The following PEAK1 variants were observed in gnomAD, a reference collection of about 807,000 sequenced individuals.
PEAK1 encodes the protein inactive tyrosine-protein kinase PEAK1.
PEAK1 carries 54 observed loss-of-function variants against 124.7 expected under a neutral mutation model. That is an observed-to-expected ratio of 0.43 (90% CI 0.35 to 0.54). The LOEUF is 0.54. Ranked by LOEUF, PEAK1 falls within the 20% of genes least tolerant of loss-of-function variation. PEAK1 has a pLI of 0.01. For synonymous variants in PEAK1, 719 were observed against 760.0 expected, an observed-to-expected ratio of 0.95 and a Z score of 0.89; for missense variants, 2,046 against 2,134.5, an observed-to-expected ratio of 0.96 and a Z score of 0.82.
At chr15:77,266,963 AAAT>A (rs1567189217) in intron 5 of PEAK1, among the ~76,000 whole-genome samples, 2 of 151,848 alleles carry the variant, frequency 1.3e-5, no homozygotes, top group East Asian at 3.9e-4. Context: ...GGTTGCCTGG[AAAT>A]CAGCTCTGTG....
At position 77,179,093 on chromosome 15, in the gene PEAK1, T is replaced by C. The variant is rs775357365; in HGVS notation, c.2834A>G (p.Lys945Arg). 11 of 1,614,196 alleles carry C rather than the reference T, an allele frequency of 6.8e-6. No individual in the cohort carries two copies. In the South Asian group the frequency reaches 7.7e-5, roughly 11 times the overall value. ...CACCAGTTTCCCTTTCTCTCGCTCTTTCTCTTTGTCATCCTCCTCATCTGT... is the reference window on the plus strand; with the variant it reads ...CACCAGTTTCCCTTTCTCTCGCTCTCTCTCTTTGTCATCCTCCTCATCTGT... The part of the protein sequence containing the change: ...RKTDEEDDKE[K>R]EREKGKLVGL... Residue 945 changes from lysine (K) to arginine (R), a missense_variant, in exon 7 of 10, where the codon AAA (lysine) becomes AGA (arginine). By Grantham distance (26) the Lys-to-Arg change is conservative. Coordinates refer to ENST00000682557, the MANE Select transcript of PEAK1 (RefSeq NM_001385026.1).
chr15:77,257,731 A>C (rs2061231183), intron 5 of PEAK1, among the ~76,000 whole-genome samples: 1 of 151,936 alleles, frequency 6.6e-6, no homozygotes, highest in African/African-American at 2.4e-5. Flanking sequence ...CTTTAGTTTA[A>C]CTAGATCCCA....
At chr15:77,333,703 A>G in intron 2 of PEAK1, 1 of 970,552 alleles carries the variant, frequency 1.0e-6, no homozygotes, top group Non-Finnish European at 1.2e-6. Flanking sequence ...TCATTCTCCT[A>G]ATGAATTGAA....
At chr15:77,244,747 C>T (rs1368393001) in intron 6 of PEAK1, among the ~76,000 whole-genome samples, 1 of 151,974 alleles carries the variant, frequency 6.6e-6, no homozygotes, top group Admixed American at 6.6e-5. Context: ...CACCACCATG[C>T]CCAGCTAATT....
intron 7 of PEAK1, among the ~76,000 whole-genome samples, chr15:77,168,109 A>G (rs2056240306): frequency 6.6e-6 from 1 of 152,210 alleles, no homozygotes; most frequent in Non-Finnish European, 1.5e-5. Flanking sequence ...CTGGAGCATT[A>G]GCATTAAAAC....
chr15:77,247,271 T>G (rs1304552123), intron 6 of PEAK1, among the ~76,000 whole-genome samples: 2 of 152,138 alleles, frequency 1.3e-5, no homozygotes, highest in Non-Finnish European at 2.9e-5. Context: ...TGTCTTGTTC[T>G]CAATTTTAGG....
At chr15:77,234,729 G>A (rs1421406040) in intron 6 of PEAK1, among the ~76,000 whole-genome samples, 1 of 151,728 alleles carries the variant, frequency 6.6e-6, no homozygotes, top group Non-Finnish European at 1.5e-5. Context: ...TTGAATTCCT[G>A]GGCTCAAGAG....
chr15:77,173,754 T>C (rs2152808763), intron 7 of PEAK1, among the ~76,000 whole-genome samples: 1 of 152,354 alleles, frequency 6.6e-6, no homozygotes, highest in South Asian at 2.1e-4. Flanking sequence ...ACCTCACCTC[T>C]GTGACTTTGC....
At chr15:77,247,678 C>T (rs1451354897) in intron 6 of PEAK1, among the ~76,000 whole-genome samples, 2 of 151,670 alleles carry the variant, frequency 1.3e-5, no homozygotes, top group Non-Finnish European at 2.9e-5. Context: ...GACAGGATTT[C>T]ACCACTTTGG....
At chr15:77,319,831 C>T (rs989370500) in intron 2 of PEAK1, among the ~76,000 whole-genome samples, 5 of 152,082 alleles carry the variant, frequency 3.3e-5, no homozygotes, top group African/African-American at 7.2e-5. Context: ...GCAAATTCAT[C>T]GCTGTTTCTG....
chr15:77,117,300 G>C (rs2152715005), intron 9 of PEAK1, among the ~76,000 whole-genome samples: 1 of 152,248 alleles, frequency 6.6e-6, no homozygotes, highest in Middle Eastern at 3.4e-3. Flanking sequence ...GTATAACCTT[G>C]AGCATTTCAC....
rs1040670548 is a variant in PEAK1 at position 77,418,933 on chromosome 15, C to T, written c.-666+1073G>A. The T allele has an allele frequency of 4.1e-6, 4 of 985,244 alleles. No individual in the cohort carries two copies. In the African/African-American group the frequency reaches 7.0e-5, roughly 17 times the overall value. 61.0% of individuals were successfully genotyped at this position (985,244 alleles called of 1,614,324 possible). ...GTGAAAAGCTGTTCACGTACATCAT[C>T]CAATGACCTAAAAATAGTCTTTTAT... On this transcript the variant is annotated intron_variant, in intron 1 of 9. Coordinates refer to ENST00000682557, the MANE Select transcript of PEAK1 (RefSeq NM_001385026.1).
chr15:77,246,013 CT>C (rs555544274), intron 6 of PEAK1, among the ~76,000 whole-genome samples: 247 of 140,998 alleles, frequency 1.8e-3, no homozygotes, highest in Middle Eastern at 3.7e-3. Flanking sequence ...ACCTGCTAGA[CT>C]TTTTTTTTTT....
Position 77,114,990 on chromosome 15 carries a change from A to G in PEAK1, c.4407T>C (p.Leu1469=). The change falls in exon 10 of 10, where the codon CTT becomes CTC. Residue 1469 remains leucine, a synonymous_variant. Coordinates refer to ENST00000682557, the MANE Select transcript of PEAK1 (RefSeq NM_001385026.1). The part of the protein sequence containing the change: ...VVVITREVPC[L]TVADFVRDSL... ...AGTCTCGCACAAAATCAGCCACAGTAAGACATGGAACCTCCCTGGTGATGA... is the reference window on the plus strand; with the variant it reads ...AGTCTCGCACAAAATCAGCCACAGTGAGACATGGAACCTCCCTGGTGATGA... The G allele has an allele frequency of 6.2e-7, 1 of 1,614,128 alleles. No homozygotes were observed. The highest frequency in any genetic ancestry group is 8.5e-7 in the Non-Finnish European group (1 of 1,180,028).
At chr15:77,378,966 A>G (rs543415178) in intron 1 of PEAK1, among the ~76,000 whole-genome samples, 1 of 152,334 alleles carries the variant, frequency 6.6e-6, no homozygotes, top group Non-Finnish European at 1.5e-5. Context: ...CTTGGTCTAC[A>G]AGAAACAACT....
At chr15:77,348,507 A>G in intron 2 of PEAK1, 1 of 962,240 alleles carries the variant, frequency 1.0e-6, no homozygotes, top group Non-Finnish European at 1.2e-6. Context: ...AGTTGAATAT[A>G]CAGGCCAAAC....
exon 7 of PEAK1, chr15:77,100,867 C>T (rs2050688308): frequency 1.3e-5 from 2 of 152,146 alleles, no homozygotes; most frequent in Admixed American, 1.3e-4. Context: ...TGACTTTCCC[C>T]AAAATAAAGT....
chr15:77,271,675 A>G (rs2062040685), intron 5 of PEAK1, among the ~76,000 whole-genome samples: 1 of 152,142 alleles, frequency 6.6e-6, no homozygotes, highest in African/African-American at 2.4e-5. Context: ...GCAAACTATC[A>G]CAAGGACAAA....
At chr15:77,343,461 A>G (rs1235223076) in intron 2 of PEAK1, among the ~76,000 whole-genome samples, 1 of 143,570 alleles carries the variant, frequency 7.0e-6, no homozygotes, top group Non-Finnish European at 1.5e-5. Flanking sequence ...AAAGTTTTTA[A>G]TTTTAGTAAA....
Sources: allele counts gnomAD v4.1 joint callset (sites outside exome capture counted in the v4.1 genomes callset), GRCh38; gene constraint gnomAD v4.1.1; transcripts MANE v1.5; gene names NCBI Gene and HGNC (gene_info 2026-07-23, HGNC 2026-07-21).